The following RANBP2 variants were observed in gnomAD, a reference collection of about 807,000 sequenced individuals.
The protein encoded by RANBP2 is E3 SUMO-protein ligase RanBP2.
A neutral mutation model predicts 303.6 loss-of-function variants in RANBP2; 57 were observed. That is an observed-to-expected ratio of 0.19 (90% CI 0.15 to 0.23). RANBP2 has a LOEUF of 0.23. Among genes scored for constraint, RANBP2 ranks in the 10% least tolerant of loss-of-function variants. The pLI is 1.00. For synonymous variants in RANBP2, 1,167 were observed against 1,301.5 expected, an observed-to-expected ratio of 0.90 and a Z score of 2.23; for missense variants, 3,138 against 3,780.8, an observed-to-expected ratio of 0.83 and a Z score of 4.46.
At chr2:108,872,991 C>T in the RANBP2 span, among the ~76,000 whole-genome samples, 62 of 152,152 alleles carry the variant, frequency 4.1e-4, no homozygotes, top group South Asian at 7.3e-3. Flanking sequence ...CTTTTATGCT[C>T]CAAAGGTTCT....
the RANBP2 span, among the ~76,000 whole-genome samples, chr2:109,483,902 G>A: frequency 1.3e-5 from 2 of 151,876 alleles, no homozygotes; most frequent in African/African-American, 4.8e-5. Flanking sequence ...CTGCAGCCAG[G>A]GCCACATCCT....
chr2:109,152,213 C>T, the RANBP2 span, among the ~76,000 whole-genome samples: 2 of 152,196 alleles, frequency 1.3e-5, no homozygotes, highest in African/African-American at 2.4e-5. Flanking sequence ...AAAACTGTCA[C>T]CTGTCAGGTG....
At chr2:109,256,924 G>A in the RANBP2 span, among the ~76,000 whole-genome samples, 1 of 152,158 alleles carries the variant, frequency 6.6e-6, no homozygotes, top group Admixed American at 6.5e-5. Flanking sequence ...CATGAACGGT[G>A]GTGGATGGAG....
At chr2:109,364,640 G>T in the RANBP2 span, among the ~76,000 whole-genome samples, 1 of 152,198 alleles carries the variant, frequency 6.6e-6, no homozygotes, top group Admixed American at 6.5e-5. Flanking sequence ...TATAGTCCTG[G>T]GATCAGGTCT....
the RANBP2 span, among the ~76,000 whole-genome samples, chr2:109,577,380 G>A: frequency 2.0e-5 from 3 of 152,066 alleles, no homozygotes; most frequent in Admixed American, 2.0e-4. Context: ...GATCACCTGA[G>A]GTCAGGAGTT....
the RANBP2 span, among the ~76,000 whole-genome samples, chr2:108,978,544 G>A: frequency 6.6e-6 from 1 of 152,210 alleles, no homozygotes; most frequent in South Asian, 2.1e-4. Context: ...TCCTCCCAAG[G>A]AGGCTGAGGT....
chr2:108,798,751 C>T, the RANBP2 span, among the ~76,000 whole-genome samples: 3 of 127,962 alleles, frequency 2.3e-5, no homozygotes, highest in South Asian at 7.9e-4. Flanking sequence ...TTTTTCTGAT[C>T]CATTTGAAAG....
At chr2:109,608,714 CTA>C in the RANBP2 span, among the ~76,000 whole-genome samples, 4 of 152,134 alleles carry the variant, frequency 2.6e-5, no homozygotes, top group Non-Finnish European at 4.4e-5. Context: ...GTCATTATGA[CTA>C]TGAGATACAT....
At chr2:109,534,793 G>A in the RANBP2 span, among the ~76,000 whole-genome samples, 1 of 151,952 alleles carries the variant, frequency 6.6e-6, no homozygotes, top group Non-Finnish European at 1.5e-5. Flanking sequence ...AAGTTTGGGA[G>A]TGAAAGTTGT....
At chr2:109,240,671 G>A in the RANBP2 span, among the ~76,000 whole-genome samples, 3 of 152,082 alleles carry the variant, frequency 2.0e-5, no homozygotes, top group Non-Finnish European at 2.9e-5. Flanking sequence ...ACACGAACCA[G>A]AGAGGCCATT....
chr2:109,249,489 CTT>C, the RANBP2 span, among the ~76,000 whole-genome samples: 1 of 22,508 alleles, frequency 4.4e-5, no homozygotes, highest in Admixed American at 6.3e-4. Flanking sequence ...TTCTTTCTTT[CTT>C]TCTTTCTTTC....
At chr2:109,577,929 A>T in the RANBP2 span, among the ~76,000 whole-genome samples, 3 of 151,724 alleles carry the variant, frequency 2.0e-5, no homozygotes, top group Non-Finnish European at 2.9e-5. Context: ...AAAAAAAAAA[A>T]AAAAAGAGTT....
chr2:109,000,700 T>C, the RANBP2 span, among the ~76,000 whole-genome samples: 1 of 152,014 alleles, frequency 6.6e-6, no homozygotes, highest in African/African-American at 2.4e-5. Context: ...TAATAAGAAA[T>C]AATAATGTCC....
chr2:109,491,157 C>T, the RANBP2 span, among the ~76,000 whole-genome samples: 1 of 152,276 alleles, frequency 6.6e-6, no homozygotes, highest in East Asian at 1.9e-4. Flanking sequence ...CCATCTGATT[C>T]CTGAGTTTGG....
chr2:109,400,566 C>T, the RANBP2 span, among the ~76,000 whole-genome samples: 5 of 129,974 alleles, frequency 3.8e-5, no homozygotes, highest in Non-Finnish European at 3.4e-5. Flanking sequence ...TACACATACA[C>T]ACCTGTGCGC....
At chr2:109,106,519 G>A in the RANBP2 span, among the ~76,000 whole-genome samples, 1 of 152,072 alleles carries the variant, frequency 6.6e-6, no homozygotes, top group South Asian at 2.1e-4. Flanking sequence ...AACACAACCT[G>A]CAAAATTAGC....
At chr2:108,885,042 C>G in the RANBP2 span, 1 of 152,198 alleles carries the variant, frequency 6.6e-6, no homozygotes, top group South Asian at 2.1e-4. Context: ...AGAATTAATA[C>G]TGAGAGATGC....
At chr2:108,837,165 C>G in the RANBP2 span, among the ~76,000 whole-genome samples, 1 of 152,138 alleles carries the variant, frequency 6.6e-6, no homozygotes, top group Non-Finnish European at 1.5e-5. Flanking sequence ...AGAGTGTAAT[C>G]TGTGGGCTTT....
At chr2:108,960,382 T>C in the RANBP2 span, among the ~76,000 whole-genome samples, 3 of 152,244 alleles carry the variant, frequency 2.0e-5, no homozygotes, top group African/African-American at 7.2e-5. Context: ...ACGCTCTTGC[T>C]GATGAATGCC....
Sources: allele counts gnomAD v4.1 joint callset (sites outside exome capture counted in the v4.1 genomes callset), GRCh38; gene constraint gnomAD v4.1.1; transcripts MANE v1.5; gene names NCBI Gene and HGNC (gene_info 2026-07-23, HGNC 2026-07-21).